TMEM135: variants seen among roughly 807,000 people sequenced by gnomAD.
TMEM135 encodes transmembrane protein 135, also known as peroxisomal membrane protein 52.
A neutral mutation model predicts 60.3 loss-of-function variants in TMEM135; 30 were observed. The observed-to-expected ratio is 0.50, with a 90% CI of 0.37 to 0.68. The LOEUF (loss-of-function observed/expected upper bound fraction) is 0.68, where lower values mean the gene tolerates loss of function less well. Ranked by LOEUF, TMEM135 falls within the 30% of genes least tolerant of loss-of-function variation. TMEM135 has a pLI of 0.00. For missense variants in TMEM135, 468 were observed against 548.8 expected (o/e 0.85, Z 1.47); for synonymous variants, 190 against 186.7 (o/e 1.02, Z -0.14).
At position 87,268,362 on chromosome 11, in the gene TMEM135, C is replaced by G. The variant is rs1056672751; in HGVS notation, c.510-27420C>G. On this transcript the variant is annotated intron_variant, in intron 6 of 14. Coordinates refer to ENST00000305494, the MANE Select transcript of TMEM135 (RefSeq NM_022918.4). ...AACTCTTGGGCTCATGCAATCCCCC[C>G]ACCTTGGCCTCCCAAAGTGTTGGGA... Among the ~76,000 whole-genome samples the G allele has an allele frequency of 9.2e-5, 14 of 151,650 alleles. No individual in the cohort carries two copies. In the East Asian group the frequency reaches 1.4e-3, roughly 15 times the overall value.
At chr11:87,153,879 A>G (rs1010764549) in intron 4 of TMEM135, among the ~76,000 whole-genome samples, 3 of 152,234 alleles carry the variant, frequency 2.0e-5, no homozygotes, top group Admixed American at 6.5e-5. Flanking sequence ...CTCTTTAGAT[A>G]CAATCCTAAA....
intron 5 of TMEM135, among the ~76,000 whole-genome samples, chr11:87,183,874 TG>T (rs1339049950): frequency 4.1e-5 from 6 of 147,396 alleles, no homozygotes; most frequent in African/African-American, 1.5e-4. Context: ...AAGAATCGCT[TG>T]AACCTGGGAG....
intron 3 of TMEM135, among the ~76,000 whole-genome samples, chr11:87,081,000 A>G (rs1856980751): frequency 1.3e-5 from 2 of 152,076 alleles, no homozygotes; most frequent in South Asian, 4.1e-4. Context: ...TTTATTTGAT[A>G]TTGATATAGC....
At chr11:87,182,832 T>C (rs1171157743) in intron 5 of TMEM135, among the ~76,000 whole-genome samples, 2 of 152,112 alleles carry the variant, frequency 1.3e-5, no homozygotes, top group African/African-American at 4.8e-5. Context: ...CTCTTGAATA[T>C]TTACTGCTAA....
chr11:87,075,677 A>G (rs187229957), intron 3 of TMEM135, among the ~76,000 whole-genome samples: 1 of 152,276 alleles, frequency 6.6e-6, no homozygotes, highest in African/African-American at 2.4e-5. Flanking sequence ...GTCTCGTTGT[A>G]TGTAATACAT....
intron 8 of TMEM135, 132 bp from the exon 9 acceptor site, chr11:87,305,804 T>TAAATAAATAAAGAAAGAAAGAAAG (rs1026222945): frequency 1.4e-4 from 57 of 412,430 alleles, no homozygotes; most frequent in South Asian, 3.4e-4. Flanking sequence ...AATAAATAAA[T>TAAATAAATAAAGAAAGAAAGAAAG]AAAGTGATGT....
intron 12 of TMEM135, among the ~76,000 whole-genome samples, chr11:87,315,018 A>G (rs939156682): frequency 1.3e-5 from 2 of 151,992 alleles, no homozygotes; most frequent in Non-Finnish European, 2.9e-5. Flanking sequence ...ATATCCAATT[A>G]GAGTTTATGT....
chr11:87,208,822 G>A (rs1940297151), intron 5 of TMEM135, among the ~76,000 whole-genome samples: 2 of 152,168 alleles, frequency 1.3e-5, no homozygotes, highest in Admixed American at 1.3e-4. Context: ...GAGACAAGGG[G>A]CAGGTCACTT....
At chr11:87,087,863 A>T (rs183652200) in intron 3 of TMEM135, among the ~76,000 whole-genome samples, 1 of 152,138 alleles carries the variant, frequency 6.6e-6, no homozygotes, top group East Asian at 1.9e-4. Context: ...CAGCCTCCCG[A>T]GTAGCTGGGA....
intron 5 of TMEM135, among the ~76,000 whole-genome samples, chr11:87,226,861 C>T (rs1039152115): frequency 2.0e-5 from 3 of 152,048 alleles, no homozygotes; most frequent in African/African-American, 7.2e-5. Context: ...CCTGCCTGGC[C>T]AACATGGTGA....
chr11:87,053,440 C>G (rs1380186147), intron 1 of TMEM135, among the ~76,000 whole-genome samples: 4 of 151,914 alleles, frequency 2.6e-5, no homozygotes, highest in African/African-American at 9.7e-5. Context: ...ATAGATTGAT[C>G]GTTTATTTAT....
At chr11:87,233,305 TATCTC>T (rs1416234877) in intron 5 of TMEM135, among the ~76,000 whole-genome samples, 1 of 152,100 alleles carries the variant, frequency 6.6e-6, no homozygotes, top group African/African-American at 2.4e-5. Flanking sequence ...ATAGTCTAAA[TATCTC>T]AATTAAGACA....
intron 8 of TMEM135, among the ~76,000 whole-genome samples, chr11:87,303,499 G>A (rs1942482872): frequency 6.6e-6 from 1 of 152,130 alleles, no homozygotes; most frequent in Admixed American, 6.5e-5. Flanking sequence ...TGCCAGCATT[G>A]TAACTTTGGA....
At chr11:87,152,418 T>C (rs1356900715) in intron 4 of TMEM135, among the ~76,000 whole-genome samples, 2 of 152,224 alleles carry the variant, frequency 1.3e-5, no homozygotes, top group East Asian at 1.9e-4. Context: ...TCTTGACTTC[T>C]AGGATTTTAT....
rs1454634802 is a variant in TMEM135 at position 87,117,867 on chromosome 11, C to T, written c.396+26472C>T. ...TACAATTTGCTTTGCCCCAATCCATCAGAGGAATCATTCTCTCATCAATCA... is the reference window on the plus strand; with the variant it reads ...TACAATTTGCTTTGCCCCAATCCATTAGAGGAATCATTCTCTCATCAATCA... On this transcript the variant is annotated intron_variant, in intron 4 of 14. Transcript: ENST00000305494. Among the ~76,000 whole-genome samples the T allele has an allele frequency of 3.9e-5, 6 of 152,248 alleles. No individual in the cohort carries two copies. The South Asian group carries it at 1.2e-3, about 32-fold the overall frequency.
At chr11:87,120,913 C>A (rs1238559502) in intron 4 of TMEM135, 1 of 152,078 alleles carries the variant, frequency 6.6e-6, no homozygotes, top group East Asian at 1.9e-4. Context: ...ATTTACCCAG[C>A]AAATTTTGAC....
intron 4 of TMEM135, among the ~76,000 whole-genome samples, chr11:87,120,113 CTTCTT>C (rs1858009524): frequency 7.4e-6 from 1 of 135,022 alleles, no homozygotes; most frequent in Non-Finnish European, 1.6e-5. Context: ...TTTTCTTCTT[CTTCTT>C]TTTTTTTTTT....
chr11:87,139,411 C>A (rs2135243103), intron 4 of TMEM135, among the ~76,000 whole-genome samples: 1 of 152,232 alleles, frequency 6.6e-6, no homozygotes, highest in Middle Eastern at 3.4e-3. Flanking sequence ...ATATTTCTCT[C>A]TTCCTTAAAA....
intron 4 of TMEM135, among the ~76,000 whole-genome samples, chr11:87,153,787 A>G (rs1311001373): frequency 6.6e-6 from 1 of 152,180 alleles, no homozygotes; most frequent in Non-Finnish European, 1.5e-5. Flanking sequence ...TGTTCGATAA[A>G]TTCTAAACTA....
Sources: allele counts gnomAD v4.1 joint callset (sites outside exome capture counted in the v4.1 genomes callset), GRCh38; gene constraint gnomAD v4.1.1; transcripts MANE v1.5; gene names NCBI Gene and HGNC (gene_info 2026-07-23, HGNC 2026-07-21).